The following MSI2 variants were observed in gnomAD, a reference collection of about 807,000 sequenced individuals.
The protein encoded by MSI2 is RNA-binding protein Musashi homolog 2.
MSI2 carries 17 observed loss-of-function variants against 45.6 expected under a neutral mutation model. The ratio of observed to expected loss-of-function variants is 0.37; its 90% CI spans 0.26 to 0.56. The LOEUF (loss-of-function observed/expected upper bound fraction) is 0.56, where lower values mean the gene tolerates loss of function less well. MSI2 is among the 20% of genes least tolerant of loss of function. The pLI, the probability that MSI2 is intolerant of heterozygous loss-of-function variation, is 0.77. For synonymous variants in MSI2, 156 were observed against 158.2 expected (o/e 0.99, Z 0.11); for missense variants, 293 against 444.2 (o/e 0.66, Z 3.06).
chr17:57,493,772 G>T (rs2085922105), intron 6 of MSI2, among the ~76,000 whole-genome samples: 1 of 152,008 alleles, frequency 6.6e-6, no homozygotes, highest in Non-Finnish European at 1.5e-5. Context: ...ACAGTAGGAG[G>T]TAGCCTTGCT....
chr17:57,439,808 T>A (rs1272794342), intron 6 of MSI2, among the ~76,000 whole-genome samples: 1 of 152,154 alleles, frequency 6.6e-6, no homozygotes, highest in African/African-American at 2.4e-5. Context: ...ATCTGATAAG[T>A]GAATACATTT....
At chr17:57,643,545 C>T (rs1401671279) in intron 10 of MSI2, among the ~76,000 whole-genome samples, 5 of 152,226 alleles carry the variant, frequency 3.3e-5, no homozygotes, top group Admixed American at 6.5e-5. Context: ...ACACACCTTC[C>T]GCTCCTGGCT....
intron 5 of MSI2, among the ~76,000 whole-genome samples, chr17:57,304,173 A>G (rs1436719059): frequency 2.0e-5 from 3 of 152,176 alleles, no homozygotes; most frequent in East Asian, 3.9e-4. Flanking sequence ...CCTGGCCAAC[A>G]TGGTGAAATG....
intron 6 of MSI2, among the ~76,000 whole-genome samples, chr17:57,434,322 A>G (rs976609682): frequency 2.0e-5 from 3 of 151,894 alleles, no homozygotes; most frequent in Non-Finnish European, 4.4e-5. Context: ...CTGATCTCGA[A>G]CTCCTGAACT....
chr17:57,598,553 G>A (rs1905496584), intron 8 of MSI2, among the ~76,000 whole-genome samples: 1 of 152,182 alleles, frequency 6.6e-6, no homozygotes, highest in Non-Finnish European at 1.5e-5. Flanking sequence ...ATGGTAGGAG[G>A]GAGATAAGTG....
chr17:57,610,450 TAA>T (rs111461890), intron 8 of MSI2, among the ~76,000 whole-genome samples: 1 of 109,512 alleles, frequency 9.1e-6, no homozygotes. Flanking sequence ...AGACTCCGTC[TAA>T]AAAAAAAAAA....
chr17:57,401,571 C>T, intron 6 of MSI2, 100 bp downstream of exon 6: 1 of 860,666 alleles, frequency 1.2e-6, no homozygotes, highest in South Asian at 1.5e-5. Context: ...GCTGTGTCCT[C>T]AAGAACCTTG....
At chr17:57,554,488 C>A (rs2087385724) in intron 7 of MSI2, among the ~76,000 whole-genome samples, 1 of 152,200 alleles carries the variant, frequency 6.6e-6, no homozygotes, top group Non-Finnish European at 1.5e-5. Context: ...AATGTGTGCA[C>A]ACGCGCTTGT....
chr17:57,638,652 G>A (rs1910015869), intron 10 of MSI2, among the ~76,000 whole-genome samples: 1 of 152,212 alleles, frequency 6.6e-6, no homozygotes, highest in Admixed American at 6.5e-5. Flanking sequence ...CACATTGGGA[G>A]GCCAAGGCGG....
rs370458674 is a variant in MSI2 at position 57,257,441 on chromosome 17, C to CG, written c.104-25_104-24insG. 3 of 1,228,534 alleles carry CG rather than the reference C, an allele frequency of 2.4e-6. No individual in the cohort carries two copies. In the East Asian group the frequency reaches 7.1e-5, roughly 29 times the overall value. 76.1% of individuals were successfully genotyped at this position (1,228,534 alleles called of 1,614,324 possible). ...TTTTCCACACCTTCTCTCCCCCCCC[C>CG]ATCTCTCTCTTTCTCTCTCTACAGA... On this transcript the variant is annotated intron_variant, in intron 2 of 13. Transcript: ENST00000284073.
intron 6 of MSI2, among the ~76,000 whole-genome samples, chr17:57,402,485 C>T (rs2084011463): frequency 6.6e-6 from 1 of 152,178 alleles, no homozygotes; most frequent in South Asian, 2.1e-4. Context: ...AGCTCCATCA[C>T]TTGTTTCCTC....
At chr17:57,278,027 C>G (rs1381122794) in intron 5 of MSI2, 3 of 152,496 alleles carry the variant, frequency 2.0e-5, no homozygotes, top group South Asian at 2.1e-4. Flanking sequence ...AGTGAGAACC[C>G]TCTCTACAAA....
chr17:57,434,204 A>G (rs2084650482), intron 6 of MSI2, among the ~76,000 whole-genome samples: 1 of 152,094 alleles, frequency 6.6e-6, no homozygotes, highest in African/African-American at 2.4e-5. Context: ...GGTCCAAGCA[A>G]TTCTTCTGCC....
chr17:57,280,561 C>G lies in MSI2; in HGVS notation c.312+18369C>G, dbSNP rs1909326133. Among the ~76,000 whole-genome samples the G allele has an allele frequency of 6.6e-6, 1 of 152,002 alleles. No individual in the cohort carries two copies. Among genetic ancestry groups the G allele is most frequent in the Admixed American group, 6.5e-5 (1 of 15,278 alleles). ...CTTCTCATTGATGTGAGCAGAGCCC[C>G]CAACCCCCACCTCCGTGAGATTGAG... On this transcript the variant is annotated intron_variant, in intron 5 of 13. Transcript: ENST00000284073. This position sits in a 1 kb window ranked among gnomAD's most constrained non-coding sequence, Gnocchi z 4.2.
intron 5 of MSI2, among the ~76,000 whole-genome samples, chr17:57,354,495 T>C (rs1199985135): frequency 6.6e-6 from 1 of 152,056 alleles, no homozygotes; most frequent in Non-Finnish European, 1.5e-5. Flanking sequence ...AATATAAAAT[T>C]TGATTCCAGG....
intron 5 of MSI2, among the ~76,000 whole-genome samples, chr17:57,390,985 T>C (rs1456486979): frequency 6.6e-6 from 1 of 152,218 alleles, no homozygotes; most frequent in Non-Finnish European, 1.5e-5. Flanking sequence ...TACTTCTGTT[T>C]ACAGGGAACT....
In MSI2 at chr17:57,363,756, GCAACAACAACAACAACAAA is replaced by G. The variant is rs1195721401; in HGVS notation, c.313-37588_313-37570del. Among the ~76,000 whole-genome samples, 370 of 149,044 alleles carry G rather than the reference GCAACAACAACAACAACAAA, an allele frequency of 2.5e-3. 1 individual carries two copies. Among genetic ancestry groups the G allele is most frequent in the African/African-American group, 5.5e-3 (216 of 39,374 alleles). ...TCTGTCTGAAACAACAACAGCAGCAGCAACAACAACAACAACAAACAACAACAACAACAACAAACAACAA... is the reference window on the plus strand; with the variant it reads ...TCTGTCTGAAACAACAACAGCAGCAGCAACAACAACAACAACAAACAACAA... On this transcript the variant is annotated intron_variant, in intron 5 of 13. Transcript: ENST00000284073.
chr17:57,659,315 C>T (rs1358048617), intron 11 of MSI2, among the ~76,000 whole-genome samples: 1 of 151,952 alleles, frequency 6.6e-6, no homozygotes, highest in Non-Finnish European at 1.5e-5. Context: ...AAGCTGGTCT[C>T]AAACTCCTGG....
At chr17:57,304,532 C>T (rs1279093160) in intron 5 of MSI2, among the ~76,000 whole-genome samples, 1 of 150,532 alleles carries the variant, frequency 6.6e-6, no homozygotes, top group Non-Finnish European at 1.5e-5. Flanking sequence ...AAGCGATTCT[C>T]CTGCCTCTGC....
Sources: gnomAD v4.1 joint callset for allele counts (sites outside exome capture counted in the v4.1 genomes callset) on GRCh38, gnomAD v4.1.1 for gene constraint, Gnocchi (gnomAD v3.1) non-coding constraint, MANE v1.5 for transcripts, NCBI Gene and HGNC (gene_info 2026-07-23, HGNC 2026-07-21) for gene names.